TBC1D5: variants seen among roughly 807,000 people sequenced by gnomAD.
TBC1D5 encodes TBC1 domain family, member 5.
TBC1D5 carries 75 observed loss-of-function variants against 100.3 expected under a neutral mutation model. That is an observed-to-expected ratio of 0.75 (90% CI 0.62 to 0.91). The LOEUF (loss-of-function observed/expected upper bound fraction) is 0.91. TBC1D5 is among the 40% of genes least tolerant of loss of function. The probability of loss-of-function intolerance (pLI) is 0.00; values close to 1 mark genes in which losing one functional copy is unlikely to be tolerated. For synonymous variants in TBC1D5, 323 were observed against 325.6 expected, an observed-to-expected ratio of 0.99 and a Z score of 0.09; for missense variants, 910 against 942.4, an observed-to-expected ratio of 0.97 and a Z score of 0.45.
chr3:17,229,912 A>T (rs1006927232), intron 17 of TBC1D5, among the ~76,000 whole-genome samples: 4 of 152,208 alleles, frequency 2.6e-5, no homozygotes, highest in African/African-American at 9.6e-5. Flanking sequence ...TCTTGTTTTC[A>T]GTCCAAAAAC....
Position 17,552,737 on chromosome 3 carries a change from T to C in TBC1D5, c.-35-44132A>G, listed in dbSNP as rs548538203. The stretch of plus-strand genomic sequence containing the variant: ...AGAATGGGGTCTATTTTAGACTGGG[T>C]ATTCAGATATCTGAAGAGGTGACAT... On this transcript the variant is annotated intron_variant, in intron 2 of 21. Transcript: ENST00000253692. 2.6e-5 allele frequency among the ~76,000 whole-genome samples: 4 copies of C among 152,230 alleles called. No homozygotes were observed. In the South Asian group the frequency reaches 8.3e-4, roughly 32 times the overall value.
At chr3:17,168,023 C>T (rs1050628268) in intron 19 of TBC1D5, among the ~76,000 whole-genome samples, 195 bp from the exon 21 acceptor site, 3 of 152,198 alleles carry the variant, frequency 2.0e-5, no homozygotes, top group Non-Finnish European at 4.4e-5. Context: ...GCCTGGTACA[C>T]ACAGCCTCCC....
intron 1 of TBC1D5, among the ~76,000 whole-genome samples, chr3:17,635,603 C>A (rs1404036866): frequency 6.6e-6 from 1 of 152,098 alleles, no homozygotes; most frequent in Non-Finnish European, 1.5e-5. Context: ...CTGCTTGAAC[C>A]TGGAAGGTGG....
chr3:17,182,998 C>CCTAA lies in TBC1D5; in HGVS notation c.1852+2107_1852+2110dup, dbSNP rs534149040. On this transcript the variant is annotated intron_variant, in intron 19 of 21. Coordinates refer to ENST00000253692, the Ensembl canonical transcript of TBC1D5. The stretch of plus-strand genomic sequence containing the variant: ...AGACACTCCCTACAGGGCAAGCTTA[C>CCTAA]CTAACTATGTGCTTGCTTAGAAGCT... Among the ~76,000 whole-genome samples the CCTAA allele has an allele frequency of 1.8e-4, 27 of 152,242 alleles. No individual in the cohort carries two copies. The East Asian group carries it at 5.0e-3, about 28-fold the overall frequency.
chr3:17,342,442 T>G (rs969862900), intron 13 of TBC1D5, among the ~76,000 whole-genome samples: 1 of 152,228 alleles, frequency 6.6e-6, no homozygotes, highest in Non-Finnish European at 1.5e-5. Context: ...AGGGCTAATT[T>G]CTTCTACACA....
At chr3:17,568,422 T>C (rs1400437061) in intron 2 of TBC1D5, among the ~76,000 whole-genome samples, 1 of 151,502 alleles carries the variant, frequency 6.6e-6, no homozygotes, top group Non-Finnish European at 1.5e-5. Context: ...TAAATATTAT[T>C]TTGTTAAGCA....
intron 3 of TBC1D5, among the ~76,000 whole-genome samples, chr3:17,499,955 A>C (rs984794647): frequency 6.7e-6 from 1 of 149,450 alleles, no homozygotes; most frequent in Non-Finnish European, 1.5e-5. Flanking sequence ...ATGGTGGAGA[A>C]TATATCTTAA....
intron 17 of TBC1D5, among the ~76,000 whole-genome samples, chr3:17,219,581 G>A (rs1460379528): frequency 6.6e-6 from 1 of 151,260 alleles, no homozygotes; most frequent in Non-Finnish European, 1.5e-5. Context: ...ATCTGAACTT[G>A]TTTTTCCTGT....
intron 16 of TBC1D5, among the ~76,000 whole-genome samples, chr3:17,253,495 T>C (rs1298902278): frequency 1.3e-5 from 2 of 152,224 alleles, no homozygotes; most frequent in Non-Finnish European, 2.9e-5. Context: ...AACTTAGGTA[T>C]AATTTATATA....
intron 13 of TBC1D5, among the ~76,000 whole-genome samples, chr3:17,365,009 T>A (rs2092013967): frequency 6.6e-6 from 1 of 152,222 alleles, no homozygotes; most frequent in Non-Finnish European, 1.5e-5. Context: ...ATTTATTTCA[T>A]GTGTACTGAT....
chr3:17,395,797 G>GA (rs921865646), intron 8 of TBC1D5, among the ~76,000 whole-genome samples: 1 of 151,942 alleles, frequency 6.6e-6, no homozygotes, highest in Non-Finnish European at 1.5e-5. Context: ...TTAAAATACT[G>GA]AAAAAAATTT....
intron 4 of TBC1D5, among the ~76,000 whole-genome samples, chr3:17,407,544 CAT>C (rs1439493078): frequency 6.6e-6 from 1 of 152,116 alleles, no homozygotes; most frequent in African/African-American, 2.4e-5. Context: ...CCGTTACACA[CAT>C]GTGCAGTTGT....
intron 1 of TBC1D5, among the ~76,000 whole-genome samples, chr3:17,695,556 A>AAT (rs1265859619): frequency 6.6e-6 from 1 of 152,210 alleles, no homozygotes; most frequent in African/African-American, 2.4e-5. Context: ...AACTATCCTA[A>AAT]ATATATATAC....
intron 3 of TBC1D5, among the ~76,000 whole-genome samples, chr3:17,477,449 T>C (rs2095450840): frequency 6.6e-6 from 1 of 152,046 alleles, no homozygotes; most frequent in Admixed American, 6.5e-5. Flanking sequence ...CTTTATGTTT[T>C]CTAGAAATCA....
Position 17,450,200 on chromosome 3 carries a change from G to A in TBC1D5, c.98-21681C>T, listed in dbSNP as rs373243729. Among the ~76,000 whole-genome samples the A allele has an allele frequency of 4.4e-4, 67 of 152,160 alleles. 1 individual carries two copies. The South Asian group carries it at 0.014, about 31-fold the overall frequency. On this transcript the variant is annotated intron_variant, in intron 3 of 21. Transcript: ENST00000253692. ...GCTATAACATCAACATCAACAAAAA[G>A]GACACCCACGCAAAAACCCCATCCA...
At chr3:17,328,275 TA>T (rs201518364) in intron 13 of TBC1D5, among the ~76,000 whole-genome samples, 485 of 141,894 alleles carry the variant, frequency 3.4e-3, no homozygotes, top group Admixed American at 3.9e-3. Flanking sequence ...TCTCTTTATT[TA>T]AAAAAAAAAA....
At chr3:17,322,566 G>T (rs977301627) in intron 13 of TBC1D5, among the ~76,000 whole-genome samples, 1 of 152,230 alleles carries the variant, frequency 6.6e-6, no homozygotes, top group African/African-American at 2.4e-5. Flanking sequence ...CACAGAGCAG[G>T]AAGGAGAAAC....
At chr3:17,341,503 T>G (rs1213964214) in intron 13 of TBC1D5, among the ~76,000 whole-genome samples, 1 of 152,102 alleles carries the variant, frequency 6.6e-6, no homozygotes, top group East Asian at 1.9e-4. Context: ...GCCTAAAATC[T>G]GAATTCTTAA....
intron 1 of TBC1D5, among the ~76,000 whole-genome samples, chr3:17,738,535 T>C (rs575862935): frequency 8.5e-5 from 13 of 152,288 alleles, no homozygotes; most frequent in African/African-American, 2.6e-4. Flanking sequence ...ACAGAATTTG[T>C]AAAAATATTA....
Sources: gnomAD v4.1 joint callset for allele counts (sites outside exome capture counted in the v4.1 genomes callset) on GRCh38, gnomAD v4.1.1 for gene constraint, MANE v1.5 for transcripts, NCBI Gene and HGNC (gene_info 2026-07-23, HGNC 2026-07-21) for gene names.